The following NEGR1 variants were observed in gnomAD, a reference collection of about 807,000 sequenced individuals.
The protein encoded by NEGR1 is IgLON family member 4.
In NEGR1, 10 loss-of-function variants were observed where a neutral mutation model predicts 40.9. The observed-to-expected ratio is 0.24, with a 90% CI of 0.15 to 0.42. The LOEUF (loss-of-function observed/expected upper bound fraction) is 0.42, where lower values mean the gene tolerates loss of function less well. Among genes scored for constraint, NEGR1 ranks in the 10% least tolerant of loss-of-function variants. The pLI is 1.00. For synonymous variants in NEGR1, 185 were observed against 166.8 expected, an observed-to-expected ratio of 1.11 and a Z score of -0.84; for missense variants, 352 against 438.9, an observed-to-expected ratio of 0.80 and a Z score of 1.77.
intron 1 of NEGR1, among the ~76,000 whole-genome samples, chr1:72,141,032 G>T (rs375457592): frequency 3.8e-4 from 57 of 151,974 alleles, no homozygotes; most frequent in African/African-American, 1.1e-3. Context: ...ACACTAACAT[G>T]ATATGATATA....
chr1:72,272,586 C>T (rs952774435), intron 1 of NEGR1, among the ~76,000 whole-genome samples: 1 of 151,628 alleles, frequency 6.6e-6, no homozygotes, highest in African/African-American at 2.4e-5. Context: ...TCATTAATAC[C>T]TCTAAATTTA....
At chr1:71,651,930 T>C (rs1287043189) in intron 4 of NEGR1, among the ~76,000 whole-genome samples, 1 of 152,184 alleles carries the variant, frequency 6.6e-6, no homozygotes, top group Non-Finnish European at 1.5e-5. Flanking sequence ...AATAATTCCC[T>C]GTAAATTTCT....
chr1:71,690,619 C>CAGAGAGAG (rs59019409), intron 4 of NEGR1, among the ~76,000 whole-genome samples: 2,314 of 67,566 alleles, frequency 0.034, 185 homozygotes, highest in Middle Eastern at 0.064. Context: ...TAGAGGGAGA[C>CAGAGAGAG]AGAGAGAGAG....
chr1:72,122,481 C>G (rs986054834), intron 1 of NEGR1, among the ~76,000 whole-genome samples: 1 of 151,866 alleles, frequency 6.6e-6, no homozygotes, highest in African/African-American at 2.4e-5. Flanking sequence ...AAACTTGTGA[C>G]CCTGGGTACA....
intron 3 of NEGR1, among the ~76,000 whole-genome samples, chr1:71,734,084 G>A (rs1251871486): frequency 6.6e-6 from 1 of 152,158 alleles, no homozygotes; most frequent in African/African-American, 2.4e-5. Flanking sequence ...GGAAGGTTGG[G>A]ACTGATGCAT....
At chr1:71,988,149 A>G (rs955264727) in intron 1 of NEGR1, among the ~76,000 whole-genome samples, 4 of 152,184 alleles carry the variant, frequency 2.6e-5, no homozygotes, top group South Asian at 2.1e-4. Context: ...GAGGCCATGC[A>G]TCAGTTGTCT....
intron 3 of NEGR1, among the ~76,000 whole-genome samples, chr1:71,768,764 T>A (rs552087348): frequency 1.3e-5 from 2 of 152,158 alleles, no homozygotes; most frequent in Non-Finnish European, 2.9e-5. Context: ...TGAATTGTAA[T>A]CCCAATGTTG....
At chr1:71,813,788 C>A (rs1353836584) in intron 2 of NEGR1, among the ~76,000 whole-genome samples, 3 of 151,998 alleles carry the variant, frequency 2.0e-5, no homozygotes, top group Non-Finnish European at 4.4e-5. Flanking sequence ...AATTTTGTAT[C>A]CTGAAATTTG....
intron 6 of NEGR1, among the ~76,000 whole-genome samples, chr1:71,527,453 G>A (rs896960275): frequency 8.0e-5 from 12 of 149,120 alleles, no homozygotes; most frequent in Admixed American, 8.0e-4. Flanking sequence ...CCATCCATGG[G>A]TAATCAGGCA....
At chr1:72,009,405 T>G (rs2100397861) in intron 1 of NEGR1, among the ~76,000 whole-genome samples, 1 of 152,264 alleles carries the variant, frequency 6.6e-6, no homozygotes, top group South Asian at 2.1e-4. Flanking sequence ...TAATTTTGAT[T>G]TCATTTAAAT....
rs377011784 is a variant in NEGR1, at chr1:71,423,823, A to AC, written c.941-16254dup. ...CATTATGACCAACTCCTCCTCACCC[A>AC]CCCCCCCTTTTTTTTTTTTCAAAAT... On this transcript the variant is annotated intron_variant, in intron 6 of 6. Coordinates refer to ENST00000357731, the MANE Select transcript of NEGR1 (RefSeq NM_173808.3). Among the ~76,000 whole-genome samples, 221 of 130,138 alleles carry AC rather than the reference A, an allele frequency of 1.7e-3. 11 individuals are homozygous for AC. In the East Asian group the frequency reaches 0.043, roughly 25 times the overall value. 85.4% of individuals were successfully genotyped at this position (130,138 alleles called of 152,430 possible). A position where few individuals can be genotyped will look rare whatever the true frequency, so the allele number is the denominator to read the frequency against.
At chr1:71,512,357 A>T (rs1410586755) in intron 6 of NEGR1, among the ~76,000 whole-genome samples, 1 of 152,210 alleles carries the variant, frequency 6.6e-6, no homozygotes, top group Non-Finnish European at 1.5e-5. Context: ...ATCTTGTGAT[A>T]ACAGGACTGT....
chr1:71,474,708 A>G (rs1646807832), intron 6 of NEGR1, among the ~76,000 whole-genome samples: 1 of 107,008 alleles, frequency 9.3e-6, no homozygotes, highest in Non-Finnish European at 1.9e-5. Flanking sequence ...GTGGAGCGAG[A>G]CTCTATCTCA....
chr1:72,188,117 G>A (rs1390395263), intron 1 of NEGR1, among the ~76,000 whole-genome samples: 3 of 151,412 alleles, frequency 2.0e-5, no homozygotes, highest in Non-Finnish European at 4.4e-5. Context: ...ACTCTCATGA[G>A]ATGAATATAA....
rs1646262737 is a variant in NEGR1, at chr1:71,404,163, T to TAC, written c.*3282_*3283insGT. ...ATGTAGGGGTATTTATATATATATA[T>TAC]ATTTTTTTTTTTCCCTGAATTACCT... On this transcript the variant is annotated 3_prime_UTR_variant, in exon 7 of 7. Coordinates refer to ENST00000357731, the MANE Select transcript of NEGR1 (RefSeq NM_173808.3). The TAC allele has an allele frequency of 6.7e-6, 1 of 149,248 alleles. No individual in the cohort carries two copies. The highest frequency in any genetic ancestry group is 2.1e-4 in the South Asian group (1 of 4,734). 9.2% of individuals were successfully genotyped at this position (149,248 alleles called of 1,614,324 possible).
At chr1:71,895,359 C>T (rs1660940763) in intron 2 of NEGR1, among the ~76,000 whole-genome samples, 1 of 152,114 alleles carries the variant, frequency 6.6e-6, no homozygotes, top group African/African-American at 2.4e-5. Context: ...ATTTTGTGTG[C>T]ACAATTCAAA....
chr1:71,597,917 T>C (rs977539098), intron 5 of NEGR1, among the ~76,000 whole-genome samples: 2 of 150,750 alleles, frequency 1.3e-5, no homozygotes, highest in Non-Finnish European at 2.9e-5. Context: ...CATCCCAAAA[T>C]TAAAAAAAAA....
At chr1:71,558,722 C>CTTTTTTTTTTTTTTT (rs34141206) in intron 6 of NEGR1, among the ~76,000 whole-genome samples, 1 of 134,314 alleles carries the variant, frequency 7.4e-6, no homozygotes, top group Admixed American at 7.4e-5. Flanking sequence ...TCTTTTCTTT[C>CTTTTTTTTTTTTTTT]TTTTTTTTTT....
At chr1:72,229,588 A>G (rs1654295373) in intron 1 of NEGR1, among the ~76,000 whole-genome samples, 3 of 151,074 alleles carry the variant, frequency 2.0e-5, no homozygotes, top group South Asian at 2.1e-4. Context: ...TCTGGAAAAT[A>G]TACTTAAAAT....
Sources: allele counts gnomAD v4.1 joint callset (sites outside exome capture counted in the v4.1 genomes callset), GRCh38; gene constraint gnomAD v4.1.1; transcripts MANE v1.5; gene names NCBI Gene and HGNC (gene_info 2026-07-23, HGNC 2026-07-21).